Variants in RSF1 observed in about 807,000 individuals in gnomAD.
RSF1 encodes remodeling and spacing factor 1.
A neutral mutation model predicts 145.2 loss-of-function variants in RSF1; 13 were observed. The observed-to-expected ratio is 0.09, with a 90% CI of 0.06 to 0.14. RSF1 has a LOEUF of 0.14. Among genes scored for constraint, RSF1 ranks in the 10% least tolerant of loss-of-function variants. The pLI is 1.00. For missense variants in RSF1, 1,517 were observed against 1,718.2 expected, an observed-to-expected ratio of 0.88 and a Z score of 2.07; for synonymous variants, 577 against 592.6, an observed-to-expected ratio of 0.97 and a Z score of 0.38.
At chr11:77,704,595 A>T (rs1960498931) in intron 5 of RSF1, among the ~76,000 whole-genome samples, 1 of 152,194 alleles carries the variant, frequency 6.6e-6, no homozygotes, top group South Asian at 2.1e-4. Flanking sequence ...TAATTTAGCT[A>T]GTGATGCATC....
At chr11:77,865,364 G>A in the RSF1 span, among the ~76,000 whole-genome samples, 1 of 152,186 alleles carries the variant, frequency 6.6e-6, no homozygotes, top group Non-Finnish European at 1.5e-5. Context: ...TCATTTAGGG[G>A]CCTAGGTTTT....
At chr11:77,670,856 C>CA (rs1309265074) in intron 15 of RSF1, among the ~76,000 whole-genome samples, 1 of 151,608 alleles carries the variant, frequency 6.6e-6, no homozygotes, top group Non-Finnish European at 1.5e-5. Context: ...CCTGTAATCC[C>CA]AGCACTTTGG....
the RSF1 span, among the ~76,000 whole-genome samples, chr11:77,845,078 A>G: frequency 2.0e-5 from 3 of 152,148 alleles, no homozygotes; most frequent in African/African-American, 4.8e-5. Flanking sequence ...AGGTATGGAT[A>G]TCTTTGAGTT....
intron 5 of RSF1, among the ~76,000 whole-genome samples, chr11:77,722,388 C>T (rs975689329): frequency 3.3e-5 from 5 of 152,224 alleles, no homozygotes; most frequent in African/African-American, 1.2e-4. Flanking sequence ...GACCTTATTA[C>T]TCAAAATATG....
intron 8 of RSF1, 96 bp from the exon 9 acceptor site, chr11:77,691,334 T>C: frequency 1.0e-6 from 1 of 989,362 alleles, no homozygotes; most frequent in Non-Finnish European, 1.6e-6. Context: ...CTCTGAGAGC[T>C]GGTAAGGGAC....
intron 4 of RSF1, chr11:77,734,835 C>CCT: frequency 1.9e-6 from 3 of 1,592,376 alleles, no homozygotes; most frequent in East Asian, 2.2e-5. Context: ...CAGCATGCTC[C>CCT]CTCTCCTCAT....
At position 77,701,257 on chromosome 11, in the gene RSF1, C is replaced by G. The variant is rs367966600; in HGVS notation, c.1972G>C (p.Gly658Arg). ...AGGTCTACTTTTTTCACAGACTGGCCACCAACAGTACTTGTACTCTGGCAT... is the reference window on the plus strand; with the variant it reads ...AGGTCTACTTTTTTCACAGACTGGCGACCAACAGTACTTGTACTCTGGCAT... ...VECQSTSTVGGQSVKKVDLET... is the reference protein window; with the variant it reads ...VECQSTSTVGRQSVKKVDLET... The change falls in exon 6 of 16, where the codon GGC becomes CGC. Residue 658 changes from glycine (G) to arginine (R), a missense_variant. Gly to Arg is a moderately radical substitution (Grantham distance 125, BLOSUM62 -2). Around this residue, in one of 12 missense-constraint regions of RSF1, gnomAD observed 579 missense variants for 553.5 expected, o/e 1.05. Coordinates refer to ENST00000308488, the MANE Select transcript of RSF1 (RefSeq NM_016578.4). 6.2e-7 allele frequency: 1 copy of G among 1,614,078 alleles called. No individual in the cohort carries two copies. Among genetic ancestry groups the G allele is most frequent in the South Asian group, 1.1e-5 (1 of 91,076 alleles).
chr11:77,727,294 T>C (rs1405914114), intron 4 of RSF1, among the ~76,000 whole-genome samples: 1 of 152,090 alleles, frequency 6.6e-6, no homozygotes, highest in East Asian at 1.9e-4. Context: ...GAATTCCATA[T>C]GTTAAAAAAA....
chr11:77,673,829 A>G (rs1959620496), intron 14 of RSF1, among the ~76,000 whole-genome samples: 2 of 152,158 alleles, frequency 1.3e-5, no homozygotes, highest in South Asian at 4.1e-4. Flanking sequence ...ACAAGGAAAC[A>G]AAAGAAATCA....
At chr11:77,823,602 AC>A (rs2136023172), upstream of RSF1, among the ~76,000 whole-genome samples, 1 of 130,096 alleles carries the variant, frequency 7.7e-6, no homozygotes, top group East Asian at 2.2e-4. Flanking sequence ...AGCCTGGGCG[AC>A]AGAACTACAC....
chr11:77,730,720 C>T (rs999014702), intron 4 of RSF1, among the ~76,000 whole-genome samples: 1 of 152,102 alleles, frequency 6.6e-6, no homozygotes, highest in Non-Finnish European at 1.5e-5. Context: ...GTTCTGTTCT[C>T]GTGATAGTGA....
chr11:77,674,154 G>C (rs982250118), intron 14 of RSF1, among the ~76,000 whole-genome samples: 3 of 151,844 alleles, frequency 2.0e-5, no homozygotes, highest in Admixed American at 2.0e-4. Flanking sequence ...CTGATAAAGG[G>C]GCATGATATT....
At chr11:77,872,225 G>T in the RSF1 span, 1 of 1,613,780 alleles carries the variant, frequency 6.2e-7, no homozygotes, top group Non-Finnish European at 8.5e-7. Context: ...TTGATGTGCG[G>T]GTCCTCCAGA....
chr11:77,870,329 A>ATTTTT, the RSF1 span, among the ~76,000 whole-genome samples: 2 of 87,980 alleles, frequency 2.3e-5, no homozygotes, highest in African/African-American at 4.9e-5. Context: ...CTATTTTTTA[A>ATTTTT]TTTTTTTTTT....
chr11:77,705,536 TCTC>T lies in RSF1; in HGVS notation c.734-3044_734-3042del, dbSNP rs531043322. On this transcript the variant is annotated intron_variant, in intron 5 of 15. Transcript: ENST00000308488. Reference sequence around the variant, plus strand: ...ACTGAGTTGCCTGCCGATTATCTATTCTCCTCTTCCTTTTTACAAACAGAACTT... The same window carrying T: ...ACTGAGTTGCCTGCCGATTATCTATTCTCTTCCTTTTTACAAACAGAACTT... Among the ~76,000 whole-genome samples, 361 of 152,366 alleles carry T rather than the reference TCTC, an allele frequency of 2.4e-3. 1 individual carries two copies. Among genetic ancestry groups the T allele is most frequent in the Non-Finnish European group, 3.6e-3 (242 of 68,036 alleles).
Position 77,667,257 on chromosome 11 carries a change from A to G in RSF1, c.3986T>C (p.Val1329Ala). The G allele has an allele frequency of 6.2e-7, 1 of 1,614,088 alleles. No homozygotes were observed. The highest frequency in any genetic ancestry group is 8.5e-7 in the Non-Finnish European group (1 of 1,180,022). The change falls in exon 16 of 16, where the codon GTC becomes GCC. Residue 1329 changes from valine (V) to alanine (A), a missense_variant. Around this residue, in one of 12 missense-constraint regions of RSF1, gnomAD observed 240 missense variants for 231.8 expected, o/e 1.04. Coordinates refer to ENST00000308488, the MANE Select transcript of RSF1 (RefSeq NM_016578.4). ...GGTGCTCTCTTGTTCTGAGGGCAGG[A>G]CCCTAGGCTGGCTGTCACGGGCAGG... ...NQPARDSQPRVLPSEQESTKK... is the reference protein window; with the variant it reads ...NQPARDSQPRALPSEQESTKK...
chr11:77,711,497 T>C lies in RSF1; in HGVS notation c.734-9002A>G, dbSNP rs1203444612. On this transcript the variant is annotated intron_variant, in intron 5 of 15. Transcript: ENST00000308488. ...GCCTGGCCAACATGGTGAAACACCA[T>C]CTGTACTAAAAATACAAAAAAATTA... 3.9e-5 allele frequency among the ~76,000 whole-genome samples: 6 copies of C among 151,998 alleles called. No homozygotes were observed. In the South Asian group the frequency reaches 1.2e-3, roughly 32 times the overall value.
intron 8 of RSF1, among the ~76,000 whole-genome samples, chr11:77,692,847 T>C (rs946122877): frequency 6.6e-6 from 1 of 151,936 alleles, no homozygotes; most frequent in Non-Finnish European, 1.5e-5. Context: ...CCAGATAATT[T>C]TTGTATTTTT....
In RSF1 at chr11:77,703,112, C is replaced by T. The variant is rs1263131804; in HGVS notation, c.734-617G>A. 4 of 152,150 alleles carry T rather than the reference C, an allele frequency of 2.6e-5. No individual in the cohort carries two copies. The East Asian group carries it at 7.7e-4, about 29-fold the overall frequency. The allele number at this position is 152,150 out of a possible 1,614,324, so 9.4% of individuals were successfully genotyped here. On this transcript the variant is annotated intron_variant, in intron 5 of 15. Coordinates refer to ENST00000308488, the MANE Select transcript of RSF1 (RefSeq NM_016578.4). ...CTTATGATACTTTTATAAAATGATGCCTTTTATAAAAATTGAGTTTAATAA... is the reference window on the plus strand; with the variant it reads ...CTTATGATACTTTTATAAAATGATGTCTTTTATAAAAATTGAGTTTAATAA...
Sources: gnomAD v4.1 joint callset for allele counts (sites outside exome capture counted in the v4.1 genomes callset) on GRCh38, gnomAD v4.1.1 for gene constraint, gnomAD v4.1.1 regional missense constraint, MANE v1.5 for transcripts, NCBI Gene and HGNC (gene_info 2026-07-23, HGNC 2026-07-21) for gene names.